ADD3: variants seen among roughly 807,000 people sequenced by gnomAD.
The protein encoded by ADD3 is adducin 3.
In ADD3, 25 loss-of-function variants were observed where a neutral mutation model predicts 80.2. The ratio of observed to expected loss-of-function variants is 0.31; its 90% CI spans 0.23 to 0.44. The LOEUF (loss-of-function observed/expected upper bound fraction) is 0.44. Among genes scored for constraint, ADD3 ranks in the 20% least tolerant of loss-of-function variants. The pLI is 1.00. For synonymous variants in ADD3, 284 were observed against 289.6 expected (o/e 0.98, Z 0.20); for missense variants, 829 against 847.5 (o/e 0.98, Z 0.27).
At chr10:110,052,414 A>G (rs1857622135) in intron 1 of ADD3, among the ~76,000 whole-genome samples, 1 of 152,190 alleles carries the variant, frequency 6.6e-6, no homozygotes, top group Non-Finnish European at 1.5e-5. Context: ...TTCCTATCAG[A>G]TCAGTGGTAG....
chr10:109,996,861 C>T (rs140602444), intron 1 of ADD3, among the ~76,000 whole-genome samples: 2 of 152,240 alleles, frequency 1.3e-5, no homozygotes, highest in Admixed American at 6.5e-5. Context: ...TCACTCTCTT[C>T]GGCCTCAATG....
chr10:110,127,887 T>C (rs769897349), intron 12 of ADD3, among the ~76,000 whole-genome samples: 8 of 152,154 alleles, frequency 5.3e-5, no homozygotes, highest in Non-Finnish European at 1.0e-4. Context: ...GATACATAGG[T>C]GGTAACAGTC....
intron 1 of ADD3, among the ~76,000 whole-genome samples, chr10:110,086,725 A>T (rs2133825352): frequency 6.6e-6 from 1 of 152,196 alleles, no homozygotes; most frequent in East Asian, 1.9e-4. Context: ...AGGCCTCTCC[A>T]GCCAAGCTTC....
chr10:110,020,292 A>G (rs1222536254), intron 1 of ADD3, among the ~76,000 whole-genome samples: 3 of 152,192 alleles, frequency 2.0e-5, no homozygotes, highest in Non-Finnish European at 4.4e-5. Flanking sequence ...TGCAGTTTAT[A>G]TTCTTGGAAG....
At chr10:110,123,259 T>G (rs1216490729) in intron 9 of ADD3, among the ~76,000 whole-genome samples, 1 of 152,118 alleles carries the variant, frequency 6.6e-6, no homozygotes, top group Admixed American at 6.6e-5. Context: ...GGTGATATGG[T>G]AGTTTTATTT....
At chr10:110,113,361 A>C (rs967769411) in intron 3 of ADD3, among the ~76,000 whole-genome samples, 1 of 152,156 alleles carries the variant, frequency 6.6e-6, no homozygotes, top group African/African-American at 2.4e-5. Context: ...TCCACCTCGC[A>C]GGTTCAAGCG....
upstream of ADD3, among the ~76,000 whole-genome samples, chr10:110,007,009 G>T (rs1363445152): frequency 6.6e-6 from 1 of 152,036 alleles, no homozygotes; most frequent in African/African-American, 2.4e-5. Flanking sequence ...AGAGAAAAGT[G>T]TGCACCGCTG....
At chr10:110,093,655 G>C (rs574827541) in intron 1 of ADD3, among the ~76,000 whole-genome samples, 1 of 152,092 alleles carries the variant, frequency 6.6e-6, no homozygotes, top group East Asian at 1.9e-4. Context: ...TTTTTGTTTG[G>C]AACTCAAAGT....
At chr10:110,098,634 AT>A (rs71486095) in intron 1 of ADD3, among the ~76,000 whole-genome samples, 116 of 146,328 alleles carry the variant, frequency 7.9e-4, no homozygotes, top group African/African-American at 7.0e-4. Flanking sequence ...TGAATACAGA[AT>A]TTTTTTTTTT....
Position 110,135,358 on chromosome 10 carries a change from AAATG to A in ADD3, c.*1745_*1748del, listed in dbSNP as rs1366952061. On this transcript the variant is annotated 3_prime_UTR_variant, in exon 15 of 15. Coordinates refer to ENST00000356080, the MANE Select transcript of ADD3 (RefSeq NM_016824.5). ...TAACTTTTTAAAAATATATATATCT[AAATG>A]AATGCAATGTGCATAAATATTTTTT... 2 of 152,638 alleles carry A rather than the reference AAATG, an allele frequency of 1.3e-5. No individual in the cohort carries two copies. Among genetic ancestry groups the A allele is most frequent in the Non-Finnish European group, 2.9e-5 (2 of 68,040 alleles). The allele number at this position is 152,638 out of a possible 1,614,324, so 9.5% of individuals were successfully genotyped here.
At chr10:110,004,060 G>A (rs1442581441), upstream of ADD3, among the ~76,000 whole-genome samples, 1 of 152,072 alleles carries the variant, frequency 6.6e-6, no homozygotes, top group Non-Finnish European at 1.5e-5. Flanking sequence ...TCAATTTGCG[G>A]GGAGGGGATG....
intron 9 of ADD3, 49 bp from the exon 10 acceptor site, chr10:110,123,968 G>C (rs764446615): frequency 1.9e-6 from 3 of 1,569,710 alleles, no homozygotes; most frequent in Non-Finnish European, 2.6e-6. Flanking sequence ...TCCAAATGCT[G>C]TTATTGATAC....
At chr10:110,051,245 A>T (rs1350758748) in intron 1 of ADD3, among the ~76,000 whole-genome samples, 1 of 152,230 alleles carries the variant, frequency 6.6e-6, no homozygotes, top group African/African-American at 2.4e-5. Flanking sequence ...CAGATTTGGA[A>T]ATGATTTCTT....
chr10:110,019,155 T>C (rs1315059442), intron 1 of ADD3, among the ~76,000 whole-genome samples: 1 of 152,164 alleles, frequency 6.6e-6, no homozygotes, highest in Non-Finnish European at 1.5e-5. Context: ...AATATGTGGA[T>C]GATGGATGGA....
intron 2 of ADD3, among the ~76,000 whole-genome samples, chr10:110,102,207 T>C (rs1007323916): frequency 7.2e-5 from 11 of 152,220 alleles, no homozygotes; most frequent in African/African-American, 2.7e-4. Context: ...TGCCTTACTT[T>C]ATGCAAACTT....
At chr10:110,116,440 T>TA (rs762794746) in intron 4 of ADD3, 30 bp downstream of exon 4, 15 of 1,609,834 alleles carry the variant, frequency 9.3e-6, no homozygotes, top group Non-Finnish European at 1.2e-5. Context: ...ATTCCTTTTT[T>TA]AAAAAATTCC....
intron 12 of ADD3, among the ~76,000 whole-genome samples, chr10:110,129,124 G>A (rs1441175842): frequency 6.6e-6 from 1 of 150,606 alleles, no homozygotes; most frequent in Non-Finnish European, 1.5e-5. Flanking sequence ...GTGTCCCCTA[G>A]TTAGTTTTTC....
At chr10:110,046,893 G>T (rs901240665) in intron 1 of ADD3, among the ~76,000 whole-genome samples, 8 of 136,978 alleles carry the variant, frequency 5.8e-5, no homozygotes, top group African/African-American at 1.9e-4. Context: ...TCATAATCCA[G>T]GATAATTTTG....
intron 3 of ADD3, among the ~76,000 whole-genome samples, chr10:110,115,629 A>G (rs922463448): frequency 3.3e-5 from 5 of 152,230 alleles, no homozygotes; most frequent in Non-Finnish European, 2.9e-5. Context: ...TAGACAAGGA[A>G]TAAGAGATCT....
Sources: gnomAD v4.1 joint callset for allele counts (sites outside exome capture counted in the v4.1 genomes callset) on GRCh38, gnomAD v4.1.1 for gene constraint, MANE v1.5 for transcripts, NCBI Gene and HGNC (gene_info 2026-07-23, HGNC 2026-07-21) for gene names.